Variants in KIZ observed in about 807,000 individuals in gnomAD.
KIZ encodes the protein kizuna centrosomal protein.
Under a neutral mutation model 79.6 loss-of-function variants are expected in KIZ, and 68 were observed. The observed-to-expected ratio is 0.85, with a 90% confidence interval of 0.70 to 1.05. The LOEUF (loss-of-function observed/expected upper bound fraction) is 1.05, where lower values mean the gene tolerates loss of function less well. KIZ is among the 50% of genes least tolerant of loss of function. The probability of loss-of-function intolerance (pLI) is 0.00; values close to 1 mark genes in which losing one functional copy is unlikely to be tolerated. For synonymous variants in KIZ, 280 were observed against 281.8 expected, an observed-to-expected ratio of 0.99 and a Z score of 0.06; for missense variants, 797 against 800.4, an observed-to-expected ratio of 1.00 and a Z score of 0.05.
chr20:21,167,739 T>G (rs2034012724), intron 6 of KIZ, among the ~76,000 whole-genome samples: 1 of 151,964 alleles, frequency 6.6e-6, no homozygotes, highest in Admixed American at 6.6e-5. Context: ...TTTTGTATTT[T>G]TAATAGAGAT....
At position 21,232,804 on chromosome 20, in the gene KIZ, A is replaced by T; in HGVS notation, c.1854A>T (p.Ser618=). 6.4e-7 allele frequency: 1 copy of T among 1,567,716 alleles called. No homozygotes were observed. The highest frequency in any genetic ancestry group is 8.7e-7 in the Non-Finnish European group (1 of 1,145,502). The stretch of plus-strand genomic sequence containing the variant: ...AAATTGCTTCGGAAGCTAGTTTTTC[A>T]TCTAGTGAAGGAAGTCCTTTGTCAA... The part of the protein sequence containing the change: ...ANKIASEASF[S]SSEGSPLSRH... Residue 618 remains serine, a synonymous_variant, in exon 11 of 13, where the codon TCA becomes TCT. Transcript: ENST00000619189.
chr20:21,180,701 TAGGC>T (rs2034621608), intron 6 of KIZ, among the ~76,000 whole-genome samples: 1 of 152,166 alleles, frequency 6.6e-6, no homozygotes, highest in Admixed American at 6.5e-5. Context: ...AAGCAGGACA[TAGGC>T]AGGTTTCCAA....
intron 9 of KIZ, among the ~76,000 whole-genome samples, chr20:21,225,227 G>T (rs962182100): frequency 1.3e-5 from 2 of 152,138 alleles, no homozygotes; most frequent in African/African-American, 4.8e-5. Context: ...AAATCTTGAC[G>T]CAGATTTGAG....
intron 6 of KIZ, among the ~76,000 whole-genome samples, chr20:21,166,023 A>G (rs922374216): frequency 3.3e-5 from 5 of 151,890 alleles, no homozygotes; most frequent in South Asian, 2.1e-4. Context: ...CTGGAGTGCA[A>G]TGGCGCAACC....
intron 6 of KIZ, among the ~76,000 whole-genome samples, chr20:21,201,419 A>G (rs1347984488): frequency 2.0e-5 from 3 of 152,180 alleles, no homozygotes; most frequent in Non-Finnish European, 4.4e-5. Flanking sequence ...CTAATTCTCT[A>G]TATTAGTGGC....
chr20:21,200,681 C>T (rs767879623), intron 6 of KIZ, among the ~76,000 whole-genome samples: 4 of 152,072 alleles, frequency 2.6e-5, no homozygotes, highest in Non-Finnish European at 4.4e-5. Flanking sequence ...GCTAATGCTC[C>T]GCCCTCCTGC....
Position 21,229,053 on chromosome 20 carries a change from A to G in KIZ, c.1721A>G (p.Asp574Gly), listed in dbSNP as rs2036747769. The change falls in exon 10 of 13, where the codon GAT becomes GGT. Residue 574 changes from aspartate (D) to glycine (G), a missense_variant. Transcript: ENST00000619189. Reference protein sequence around the residue: ...YQLLKKATLQDNTNQTENRFQ... With the variant: ...YQLLKKATLQGNTNQTENRFQ... The stretch of plus-strand genomic sequence containing the variant: ...TTGCTGAAGAAGGCCACCCTTCAGG[A>G]TAATACAAATCAAACTGAAAACAGG... 1.9e-6 allele frequency: 3 copies of G among 1,612,506 alleles called. No homozygotes were observed. Among genetic ancestry groups the G allele is most frequent in the Non-Finnish European group, 2.5e-6 (3 of 1,178,970 alleles).
Position 21,161,298 on chromosome 20 carries a change from A to G in KIZ, c.406-573A>G, listed in dbSNP as rs935616208. Reference sequence around the variant, plus strand: ...TGTGGGTTATATTTTCACTTTCCTGATGACGTCTTTTCAAAGCATGTATTT... The same window carrying G: ...TGTGGGTTATATTTTCACTTTCCTGGTGACGTCTTTTCAAAGCATGTATTT... On this transcript the variant is annotated intron_variant, in intron 4 of 12. Coordinates refer to ENST00000619189, the MANE Select transcript of KIZ (RefSeq NM_018474.6). 2.0e-5 allele frequency among the ~76,000 whole-genome samples: 3 copies of G among 152,246 alleles called. No homozygotes were observed. In the East Asian group the frequency reaches 5.8e-4, roughly 29 times the overall value.
chr20:21,162,419 G>C lies in KIZ; in HGVS notation c.954G>C (p.Pro318=). 1 of 1,613,158 alleles carries C rather than the reference G, an allele frequency of 6.2e-7. No homozygotes were observed. The highest frequency in any genetic ancestry group is 1.1e-5 in the South Asian group (1 of 91,040). The change falls in exon 5 of 13, where the codon CCG becomes CCC. Residue 318 remains proline (P), a synonymous_variant. Coordinates refer to ENST00000619189, the MANE Select transcript of KIZ (RefSeq NM_018474.6). ...AAGTTGAGGAAAAAAGAGCCAGCCC[G>C]CCAGTCTCTCCGATACCAGTTTCAG... ...HIEVEEKRAS[P]PVSPIPVSEY...
intron 6 of KIZ, among the ~76,000 whole-genome samples, chr20:21,180,442 G>A (rs576536015): frequency 6.6e-6 from 1 of 152,194 alleles, no homozygotes; most frequent in East Asian, 1.9e-4. Flanking sequence ...CGAGGGACGG[G>A]TGCAAGGGGA....
intron 1 of KIZ, among the ~76,000 whole-genome samples, chr20:21,129,795 G>T (rs2031725377): frequency 6.6e-6 from 1 of 151,816 alleles, no homozygotes; most frequent in South Asian, 2.1e-4. Flanking sequence ...TTACAAAAAA[G>T]TTGCGAATAT....
intron 2 of KIZ, among the ~76,000 whole-genome samples, chr20:21,134,558 C>T (rs899451493): frequency 5.9e-5 from 9 of 152,058 alleles, no homozygotes; most frequent in Non-Finnish European, 1.0e-4. Context: ...TATTTTTTGC[C>T]GTCGAGCTTT....
intron 4 of KIZ, among the ~76,000 whole-genome samples, chr20:21,157,154 A>G (rs536641828): frequency 1.3e-5 from 2 of 152,290 alleles, no homozygotes; most frequent in South Asian, 4.1e-4. Context: ...TATAAATAAT[A>G]CTGGCAACAA....
At chr20:21,160,495 C>T (rs574152037) in intron 4 of KIZ, among the ~76,000 whole-genome samples, 11 of 152,242 alleles carry the variant, frequency 7.2e-5, no homozygotes, top group African/African-American at 2.6e-4. Flanking sequence ...TCTCTGCCTG[C>T]GCTCCCTGAT....
intron 1 of KIZ, among the ~76,000 whole-genome samples, chr20:21,127,268 A>AT (rs2031542789): frequency 1.3e-5 from 2 of 152,128 alleles, no homozygotes; most frequent in African/African-American, 4.8e-5. Flanking sequence ...CCGCTCACCC[A>AT]TATCAGTGAC....
At chr20:21,132,469 C>A (rs2031915128) in intron 2 of KIZ, among the ~76,000 whole-genome samples, 1 of 152,036 alleles carries the variant, frequency 6.6e-6, no homozygotes, top group Non-Finnish European at 1.5e-5. Context: ...TTAGTAGAGA[C>A]TGGGTTTCAC....
chr20:21,228,463 C>T (rs745535744), intron 9 of KIZ, among the ~76,000 whole-genome samples: 6 of 152,174 alleles, frequency 3.9e-5, no homozygotes, highest in Admixed American at 6.5e-5. Context: ...CCTGGCTTTG[C>T]TCTCTACAAA....
At chr20:21,133,215 T>G (rs927259114) in intron 2 of KIZ, 1 of 152,270 alleles carries the variant, frequency 6.6e-6, no homozygotes, top group Non-Finnish European at 1.5e-5. Flanking sequence ...GTTCTTTCCC[T>G]TGTCTTCAAA....
chr20:21,231,950 G>A (rs1287919976), intron 10 of KIZ, among the ~76,000 whole-genome samples: 2 of 152,188 alleles, frequency 1.3e-5, no homozygotes, highest in Non-Finnish European at 2.9e-5. Context: ...GCTGAATGTG[G>A]ACACATTTTT....
Sources: allele counts gnomAD v4.1 joint callset (sites outside exome capture counted in the v4.1 genomes callset), GRCh38; gene constraint gnomAD v4.1.1; transcripts MANE v1.5; gene names NCBI Gene and HGNC (gene_info 2026-07-23, HGNC 2026-07-21).